SGCZ: variants seen among roughly 807,000 people sequenced by gnomAD.
The protein encoded by SGCZ is sarcoglycan zeta, also known as zeta-sarcoglycan.
Under a neutral mutation model 41.3 loss-of-function variants are expected in SGCZ, and 40 were observed. The ratio of observed to expected loss-of-function variants is 0.97; its 90% confidence interval spans 0.75 to 1.26. SGCZ has a LOEUF of 1.26. Among genes scored for constraint, SGCZ ranks in the 50% most tolerant of loss-of-function variants. The pLI is 0.00. For missense variants in SGCZ, 552 were observed against 369.8 expected, an observed-to-expected ratio of 1.49 and a Z score of -4.04; for synonymous variants, 206 against 137.5, an observed-to-expected ratio of 1.50 and a Z score of -3.49.
chr8:14,875,473 G>C (rs1438017442), intron 1 of SGCZ, among the ~76,000 whole-genome samples: 2 of 152,134 alleles, frequency 1.3e-5, no homozygotes, highest in East Asian at 1.9e-4. Context: ...CTTTGGATAA[G>C]GAAGGGACAA....
intron 5 of SGCZ, among the ~76,000 whole-genome samples, chr8:14,163,801 G>A (rs547284091): frequency 9.9e-5 from 15 of 152,120 alleles, no homozygotes; most frequent in African/African-American, 3.1e-4. Flanking sequence ...GGATAGATAC[G>A]CATGAGCTGT....
At chr8:15,008,562 A>AGGGG in intron 1 of SGCZ, among the ~76,000 whole-genome samples, 1 of 13,258 alleles carries the variant, frequency 7.5e-5, no homozygotes, top group African/African-American at 3.4e-4. Context: ...TGAGGGAGGG[A>AGGGG]GGGAGGGAGG....
intron 1 of SGCZ, among the ~76,000 whole-genome samples, chr8:14,851,368 C>CAAAAAAAAAAAAAAAAAAA (rs369090223): frequency 3.2e-5 from 2 of 61,902 alleles, no homozygotes; most frequent in African/African-American, 6.3e-5. Context: ...GACTCCATCT[C>CAAAAAAAAAAAAAAAAAAA]AAAAAAAAAA....
chr8:14,216,017 C>T (rs1805982212), intron 4 of SGCZ, among the ~76,000 whole-genome samples: 1 of 152,232 alleles, frequency 6.6e-6, no homozygotes, highest in Non-Finnish European at 1.5e-5. Flanking sequence ...GCAGCCTCAA[C>T]AAACCCGCCC....
chr8:15,110,923 G>A (rs527848530), intron 1 of SGCZ, among the ~76,000 whole-genome samples: 2 of 152,152 alleles, frequency 1.3e-5, no homozygotes, highest in South Asian at 2.1e-4. Flanking sequence ...AGCTGAGGTC[G>A]CGCCATTGCA....
At chr8:14,781,594 G>C (rs1033249855) in intron 1 of SGCZ, among the ~76,000 whole-genome samples, 9 of 152,040 alleles carry the variant, frequency 5.9e-5, no homozygotes, top group Non-Finnish European at 1.2e-4. Flanking sequence ...ATTAAAAATT[G>C]TTTGGGTTAT....
intron 2 of SGCZ, among the ~76,000 whole-genome samples, chr8:14,493,656 G>A (rs114580955): frequency 0.021 from 3,129 of 151,606 alleles, 103 homozygotes; most frequent in African/African-American, 0.071. Context: ...ATGAGTCACC[G>A]TTCCTGGCCC....
intron 2 of SGCZ, among the ~76,000 whole-genome samples, chr8:14,367,403 C>A (rs1041800124): frequency 6.6e-6 from 1 of 152,068 alleles, no homozygotes; most frequent in Non-Finnish European, 1.5e-5. Context: ...GTTCCAAGGT[C>A]GCTTCCACAT....
At chr8:14,408,586 C>T (rs933759323) in intron 2 of SGCZ, among the ~76,000 whole-genome samples, 1 of 152,102 alleles carries the variant, frequency 6.6e-6, no homozygotes, top group East Asian at 1.9e-4. Flanking sequence ...ATGACTGTTT[C>T]TATATAAATC....
intron 1 of SGCZ, among the ~76,000 whole-genome samples, chr8:15,109,032 T>A (rs1351780864): frequency 6.6e-6 from 1 of 152,170 alleles, no homozygotes; most frequent in African/African-American, 2.4e-5. Context: ...TACAGTAATT[T>A]TTAACAAGAA....
At chr8:14,996,847 T>A (rs1036487381) in intron 1 of SGCZ, among the ~76,000 whole-genome samples, 6 of 152,344 alleles carry the variant, frequency 3.9e-5, no homozygotes, top group African/African-American at 1.4e-4. Context: ...ACTTGGATCC[T>A]TGGCCAACTT....
intron 1 of SGCZ, among the ~76,000 whole-genome samples, chr8:14,574,688 G>C (rs1213986765): frequency 6.6e-6 from 1 of 152,018 alleles, no homozygotes; most frequent in Admixed American, 6.5e-5. Context: ...AACACTCCAT[G>C]GTCATGTAAA....
At chr8:15,209,119 T>A (rs560888817) in intron 1 of SGCZ, among the ~76,000 whole-genome samples, 2 of 151,980 alleles carry the variant, frequency 1.3e-5, no homozygotes, top group Non-Finnish European at 2.9e-5. Context: ...AGTTTTTCCA[T>A]CTGAAAATGG....
chr8:15,096,067 T>A (rs1464871893), intron 1 of SGCZ, among the ~76,000 whole-genome samples: 1 of 152,104 alleles, frequency 6.6e-6, no homozygotes, highest in East Asian at 1.9e-4. Flanking sequence ...AGTTTCTTTT[T>A]TATTTTTACT....
intron 2 of SGCZ, among the ~76,000 whole-genome samples, chr8:14,472,282 T>C (rs1376267453): frequency 6.6e-6 from 1 of 152,078 alleles, no homozygotes; most frequent in Non-Finnish European, 1.5e-5. Context: ...AAATAAGGTT[T>C]AATTAAAGGC....
chr8:14,776,518 CTTTTTTT>C (rs35602866), intron 1 of SGCZ, among the ~76,000 whole-genome samples: 2 of 116,636 alleles, frequency 1.7e-5, no homozygotes, highest in African/African-American at 6.3e-5. Context: ...TTTTCTTTTT[CTTTTTTT>C]TTTTTTTTTT....
chr8:14,780,576 C>T (rs755572879), intron 1 of SGCZ, among the ~76,000 whole-genome samples: 16 of 151,994 alleles, frequency 1.1e-4, no homozygotes, highest in African/African-American at 2.2e-4. Flanking sequence ...GAAAAAAATA[C>T]TGAAGTTTTC....
At chr8:14,285,535 G>C (rs1477164952) in intron 3 of SGCZ, among the ~76,000 whole-genome samples, 1 of 151,822 alleles carries the variant, frequency 6.6e-6, no homozygotes, top group African/African-American at 2.4e-5. Context: ...TGTATTCACA[G>C]TATTTACTGA....
intron 5 of SGCZ, among the ~76,000 whole-genome samples, chr8:14,127,235 C>G (rs963307483): frequency 6.6e-6 from 1 of 151,984 alleles, no homozygotes; most frequent in Non-Finnish European, 1.5e-5. Context: ...GTCTGGTTCC[C>G]GTTCTGCCAC....
Sources: gnomAD v4.1 joint callset for allele counts (sites outside exome capture counted in the v4.1 genomes callset) on GRCh38, gnomAD v4.1.1 for gene constraint, MANE v1.5 for transcripts, NCBI Gene and HGNC (gene_info 2026-07-23, HGNC 2026-07-21) for gene names.